The following GREP1 variants were observed in gnomAD, a reference collection of about 807,000 sequenced individuals.
GREP1 encodes the protein glycine-rich extracellular protein 1.
intron 2 of GREP1, chr16:2,988,838 C>T (rs372514846): frequency 5.1e-6 from 2 of 394,296 alleles, no homozygotes; most frequent in East Asian, 3.6e-5. Flanking sequence ...AACATGCAGC[C>T]CTGAGGACGG....
At chr16:3,000,649 C>T in intron 32 of GREP1, 65 bp from the exon 27 acceptor site, 1 of 398,824 alleles carries the variant, frequency 2.5e-6, no homozygotes, top group Non-Finnish European at 4.4e-6. Flanking sequence ...GAGCCAAGCC[C>T]AACAGGGGCC....
intron 13 of GREP1, 26 bp from the exon 15 acceptor site, chr16:2,995,258 C>G (rs1396582457): frequency 5.0e-6 from 2 of 398,818 alleles, no homozygotes; most frequent in South Asian, 2.6e-4. Flanking sequence ...TCCTAGGTAC[C>G]TCATCTGCTC....
At chr16:2,990,091 C>T (rs377590836) in exon 5 of GREP1, 128 of 399,300 alleles carry the variant, frequency 3.2e-4, no homozygotes, top group African/African-American at 2.4e-3. Context: ...CTCCAGGATT[C>T]GTGGTCAGGC....
At chr16:2,994,867 C>T (rs112221777) in intron 12 of GREP1, 29 bp downstream of exon 13, 4,585 of 399,200 alleles carry the variant, frequency 0.011, 195 homozygotes, top group African/African-American at 0.085. Flanking sequence ...TGTCCCTCTG[C>T]CTCCCCAAAA....
chr16:3,001,218 G>C, intron 33 of GREP1, 63 bp from the exon 28 acceptor site: 1 of 399,234 alleles, frequency 2.5e-6, no homozygotes. Flanking sequence ...CTGGGTTGAA[G>C]CTGGGGTGGA....
intron 23 of GREP1, 58 bp downstream of exon 21, chr16:2,997,893 CT>C (rs2072434738): frequency 7.5e-6 from 3 of 398,470 alleles, no homozygotes; most frequent in Non-Finnish European, 8.8e-6. Context: ...CCCCTCCACC[CT>C]TTTCCCCTCC....
At chr16:2,998,785 G>A (rs541261572) in intron 25 of GREP1, 63 bp from the exon 24 acceptor site, 3 of 398,966 alleles carry the variant, frequency 7.5e-6, no homozygotes, top group African/African-American at 6.2e-5. Context: ...AAGGCCTCCT[G>A]GGTGGCGTCG....
At chr16:2,990,559 G>A (rs1054255857) in exon 7 of GREP1, 1 of 399,416 alleles carries the variant, frequency 2.5e-6, no homozygotes, top group South Asian at 1.3e-4. Context: ...CAGGGTTCAG[G>A]ACCTTCGCAG....
At chr16:2,990,098 A>T in exon 5 of GREP1, 1 of 399,202 alleles carries the variant, frequency 2.5e-6, no homozygotes, top group Non-Finnish European at 4.4e-6. Flanking sequence ...ATTCGTGGTC[A>T]GGCATGGGCT....
chr16:2,995,548 A>C (rs2072420241), intron 15 of GREP1, 71 bp from the exon 16 acceptor site: 1 of 398,440 alleles, frequency 2.5e-6, no homozygotes, highest in East Asian at 3.6e-5. Flanking sequence ...GCTGGGAGGA[A>C]GCCTCCAGGA....
In GREP1 at chr16:2,991,172, G is replaced by T. The variant is rs2072397416; in HGVS notation, c.322+71G>T. 1 of 399,114 alleles carries T rather than the reference G, an allele frequency of 2.5e-6. No individual in the cohort carries two copies. Among genetic ancestry groups the T allele is most frequent in the Non-Finnish European group, 4.4e-6 (1 of 226,236 alleles). The allele number at this position is 399,114 out of a possible 1,614,324, so 24.7% of individuals were successfully genotyped here. On this transcript the variant is annotated intron_variant, in intron 8 of 34. Coordinates refer to ENST00000573315, the Ensembl canonical transcript of GREP1. The surrounding 1 kb of genome is among the most constrained non-coding windows in gnomAD (Gnocchi z 4.9). ...GGGGGAAGGGGCAGAGCAGAGTCAG[G>T]GCACCAGGAGCTGGGAGAGCTGGGC...
exon 35 of GREP1, chr16:3,001,653 C>T (rs770280629): frequency 5.0e-5 from 20 of 399,030 alleles, no homozygotes; most frequent in Non-Finnish European, 6.6e-5. Context: ...CTGGTGCTGC[C>T]TGGCCGGGGG....
chr16:2,993,401 G>C (rs549882196), intron 10 of GREP1: 1 of 153,228 alleles, frequency 6.5e-6, no homozygotes, highest in Non-Finnish European at 1.5e-5. Context: ...CCAACAGTTC[G>C]GGAGGCAGAG....
At chr16:2,993,352 A>C in intron 10 of GREP1, 1 of 160,624 alleles carries the variant, frequency 6.2e-6, no homozygotes, top group Non-Finnish European at 1.4e-5. Flanking sequence ...CATTCGACAA[A>C]CCAATCCAGG....
intron 2 of GREP1, chr16:2,988,927 G>GA (rs1186956842): frequency 2.8e-6 from 1 of 355,472 alleles, no homozygotes; most frequent in East Asian, 4.1e-5. Flanking sequence ...GCCGGAGGGG[G>GA]AGAGGAGGGA....
At chr16:3,001,807 G>A (rs2072463655) in exon 35 of GREP1, 1 of 395,336 alleles carries the variant, frequency 2.5e-6, no homozygotes, top group Non-Finnish European at 4.5e-6. Flanking sequence ...CATCAATGAG[G>A]CCATGTGCCA....
chr16:2,996,044 T>C (rs1404677158), intron 18 of GREP1: 16 of 384,884 alleles, frequency 4.2e-5, no homozygotes, highest in Non-Finnish European at 6.9e-5. Context: ...ACAATTCTCC[T>C]ACCTCTGCCT....
At chr16:2,988,948 A>G in intron 2 of GREP1, 1 of 335,018 alleles carries the variant, frequency 3.0e-6, no homozygotes, top group Non-Finnish European at 5.4e-6. Flanking sequence ...GGGGACAAGG[A>G]GAACTGAGCC....
intron 14 of GREP1, 79 bp downstream of exon 15, chr16:2,995,395 C>A (rs1438881660): frequency 5.0e-6 from 2 of 398,936 alleles, no homozygotes; most frequent in Non-Finnish European, 8.8e-6. Flanking sequence ...CTCCATCTGT[C>A]CCCCAGGATT....
Sources: allele counts gnomAD v4.1 joint callset, GRCh38; gene constraint gnomAD v4.1.1; non-coding constraint Gnocchi (gnomAD v3.1); transcripts MANE v1.5; gene names NCBI Gene and HGNC (gene_info 2026-07-23, HGNC 2026-07-21).